The following LRRC4C variants were observed in gnomAD, a reference collection of about 807,000 sequenced individuals.
LRRC4C encodes the protein leucine rich repeat containing 4C.
LRRC4C carries 5 observed loss-of-function variants against 33.6 expected under a neutral mutation model. That is an observed-to-expected ratio of 0.15 (90% CI 0.08 to 0.31). LRRC4C has a LOEUF of 0.31. Ranked by LOEUF, LRRC4C falls within the 10% of genes least tolerant of loss-of-function variation. The pLI is 1.00. For missense variants in LRRC4C, 560 were observed against 796.7 expected (o/e 0.70, Z 3.58); for synonymous variants, 329 against 302.0 (o/e 1.09, Z -0.93).
At chr11:41,157,681 G>A (rs192197634) in intron 1 of LRRC4C, among the ~76,000 whole-genome samples, 6 of 152,040 alleles carry the variant, frequency 3.9e-5, no homozygotes, top group African/African-American at 1.4e-4. Context: ...TAAGCACACA[G>A]CTTTATTCCC....
chr11:41,116,693 C>T (rs1466326823), intron 1 of LRRC4C, among the ~76,000 whole-genome samples: 1 of 151,958 alleles, frequency 6.6e-6, no homozygotes, highest in African/African-American at 2.4e-5. Context: ...ACTCTTAAAA[C>T]CCTCCATTAA....
At chr11:40,661,135 A>G (rs1365053362) in intron 2 of LRRC4C, among the ~76,000 whole-genome samples, 1 of 152,184 alleles carries the variant, frequency 6.6e-6, no homozygotes, top group African/African-American at 2.4e-5. Context: ...CAAAAGCATG[A>G]TAAATAATGA....
At chr11:41,192,017 CA>C (rs1375425153) in intron 1 of LRRC4C, among the ~76,000 whole-genome samples, 1 of 152,084 alleles carries the variant, frequency 6.6e-6, no homozygotes. Context: ...TCATTCAGAT[CA>C]TTTTCAGTTA....
rs553487532 is a variant in LRRC4C, at chr11:40,387,388, C to T, written c.-269-67667G>A. ...GTTTGGGGACATTTGTCCCTTTCTTCGGGCACTTTTGTAGCAGGAATTAGG... is the reference window on the plus strand; with the variant it reads ...GTTTGGGGACATTTGTCCCTTTCTTTGGGCACTTTTGTAGCAGGAATTAGG... On this transcript the variant is annotated intron_variant, in intron 3 of 6. Transcript: ENST00000528697. Among the ~76,000 whole-genome samples the T allele has an allele frequency of 9.2e-5, 14 of 152,226 alleles. No individual in the cohort carries two copies. In the East Asian group the frequency reaches 1.4e-3, roughly 15 times the overall value.
chr11:40,253,135 T>C (rs997462197), intron 4 of LRRC4C, among the ~76,000 whole-genome samples: 2 of 152,226 alleles, frequency 1.3e-5, no homozygotes, highest in Non-Finnish European at 2.9e-5. Context: ...AAACACTCTG[T>C]GCTTAATTCC....
At chr11:41,018,974 A>G (rs930765595) in intron 1 of LRRC4C, among the ~76,000 whole-genome samples, 17 of 152,304 alleles carry the variant, frequency 1.1e-4, no homozygotes, top group Middle Eastern at 3.4e-3. Flanking sequence ...CAATCAAGAT[A>G]TAGAATATTT....
chr11:40,661,254 G>A (rs1222144119), intron 2 of LRRC4C, among the ~76,000 whole-genome samples: 2 of 152,070 alleles, frequency 1.3e-5, no homozygotes, highest in Non-Finnish European at 2.9e-5. Flanking sequence ...TTAGTAAATA[G>A]AATATCATCT....
chr11:40,922,117 T>C (rs575934930), intron 2 of LRRC4C, among the ~76,000 whole-genome samples: 33 of 152,270 alleles, frequency 2.2e-4, no homozygotes, highest in African/African-American at 7.7e-4. Flanking sequence ...GGTAGATATG[T>C]GTGATTCAGC....
chr11:40,807,222 G>A (rs1396661368), intron 2 of LRRC4C, among the ~76,000 whole-genome samples: 1 of 152,102 alleles, frequency 6.6e-6, no homozygotes, highest in Non-Finnish European at 1.5e-5. Flanking sequence ...TTCATAGTTG[G>A]TCAGAGATAC....
At chr11:40,837,842 T>G (rs1406969660) in intron 2 of LRRC4C, among the ~76,000 whole-genome samples, 1 of 149,770 alleles carries the variant, frequency 6.7e-6, no homozygotes, top group Non-Finnish European at 1.5e-5. Context: ...AGAGATCCCA[T>G]CTCAGAAAAA....
intron 2 of LRRC4C, among the ~76,000 whole-genome samples, chr11:40,713,395 A>C (rs1240056208): frequency 1.3e-5 from 2 of 152,166 alleles, no homozygotes; most frequent in Admixed American, 6.5e-5. Context: ...GATGCCAACA[A>C]ATTCCTCTTA....
intron 2 of LRRC4C, among the ~76,000 whole-genome samples, chr11:40,695,042 CTACAGAGTA>C (rs1264126778): frequency 6.6e-6 from 1 of 151,712 alleles, no homozygotes; most frequent in Admixed American, 6.6e-5. Context: ...TGTGTACTAA[CTACAGAGTA>C]TACAATAAAA....
At chr11:40,699,982 T>C (rs35283777) in intron 2 of LRRC4C, among the ~76,000 whole-genome samples, 6,211 of 152,294 alleles carry the variant, frequency 0.041, 130 homozygotes, top group Middle Eastern at 0.058. Flanking sequence ...AAATGTGTTA[T>C]AATGCTTTAA....
chr11:40,947,255 C>T (rs904526738), intron 1 of LRRC4C, among the ~76,000 whole-genome samples: 1 of 152,030 alleles, frequency 6.6e-6, no homozygotes, highest in African/African-American at 2.4e-5. Flanking sequence ...AATTGTAAAA[C>T]GATGCACAAA....
chr11:41,149,098 G>GA (rs1210970934), intron 1 of LRRC4C, among the ~76,000 whole-genome samples: 1 of 151,018 alleles, frequency 6.6e-6, no homozygotes, highest in Non-Finnish European at 1.5e-5. Context: ...TATTTTTTCA[G>GA]AAAAAAACAA....
At position 41,354,142 on chromosome 11, in the gene LRRC4C, A is replaced by G. The variant is rs188484718; in HGVS notation, c.-496+105289T>C. 5.1e-4 allele frequency among the ~76,000 whole-genome samples: 78 copies of G among 152,320 alleles called. 1 individual carries two copies. The East Asian group carries it at 0.014, about 27-fold the overall frequency. On this transcript the variant is annotated intron_variant, in intron 1 of 6. Transcript: ENST00000528697. ...CTAGAAAACCCCATAGTCTCTGGCC[A>G]AAGGCTCCTATAACTGATAAACAAC... is the stretch of plus-strand genomic sequence containing the variant.
intron 1 of LRRC4C, among the ~76,000 whole-genome samples, chr11:41,397,260 C>G (rs1953855197): frequency 6.6e-6 from 1 of 151,932 alleles, no homozygotes; most frequent in Non-Finnish European, 1.5e-5. Context: ...CCTCCTGCCT[C>G]CTCTTCCACC....
intron 1 of LRRC4C, among the ~76,000 whole-genome samples, chr11:41,278,307 C>T (rs1372304994): frequency 6.6e-6 from 1 of 152,102 alleles, no homozygotes; most frequent in African/African-American, 2.4e-5. Context: ...ATCTTGGAAA[C>T]TTTGACTTTA....
intron 1 of LRRC4C, among the ~76,000 whole-genome samples, chr11:41,095,606 T>C (rs1225707548): frequency 6.6e-6 from 1 of 152,200 alleles, no homozygotes; most frequent in Non-Finnish European, 1.5e-5. Flanking sequence ...TATGATTTTC[T>C]TTCCTACAGA....
Sources: gnomAD v4.1 joint callset for allele counts (sites outside exome capture counted in the v4.1 genomes callset) on GRCh38, gnomAD v4.1.1 for gene constraint, MANE v1.5 for transcripts, NCBI Gene and HGNC (gene_info 2026-07-23, HGNC 2026-07-21) for gene names.